The following MCC variants were observed in gnomAD, a reference collection of about 807,000 sequenced individuals.
The protein encoded by MCC is MCC regulator of Wnt signaling pathway.
A neutral mutation model predicts 116.2 loss-of-function variants in MCC; 90 were observed. That is an observed-to-expected ratio of 0.77 (90% CI 0.65 to 0.92). MCC has a LOEUF of 0.92. Ranked by LOEUF, MCC falls within the 40% of genes least tolerant of loss-of-function variation. The pLI is 0.00. For missense variants in MCC, 1,516 were observed against 1,312.2 expected (o/e 1.16, Z -2.40); for synonymous variants, 578 against 510.5 (o/e 1.13, Z -1.78).
intron 3 of MCC, chr5:113,294,386 G>A (rs148062030): frequency 3.5e-5 from 56 of 1,605,238 alleles, no homozygotes; most frequent in East Asian, 2.0e-4. Context: ...CGGAATTCAT[G>A]ATGCACTTTT....
At chr5:113,034,973 C>A (rs982863449) in intron 17 of MCC, among the ~76,000 whole-genome samples, 1 of 152,218 alleles carries the variant, frequency 6.6e-6, no homozygotes, top group Non-Finnish European at 1.5e-5. Flanking sequence ...TTTATCTTAT[C>A]CTTTTCTCTA....
chr5:113,271,506 A>G (rs1345828372), intron 3 of MCC, among the ~76,000 whole-genome samples: 1 of 152,256 alleles, frequency 6.6e-6, no homozygotes, highest in Non-Finnish European at 1.5e-5. Flanking sequence ...ACCTGATATC[A>G]AGATCTGAAA....
Position 113,434,710 on chromosome 5 carries a change from C to G in MCC, c.171-49498G>C, listed in dbSNP as rs371539722. Reference sequence around the variant, plus strand: ...AAGTCTGCGGGGGCCTTCTTGCGGTCGATGATCTTGATCGCCACATTGAAC... The same window carrying G: ...AAGTCTGCGGGGGCCTTCTTGCGGTGGATGATCTTGATCGCCACATTGAAC... On this transcript the variant is annotated intron_variant, in intron 1 of 18. Transcript: ENST00000408903. The surrounding 1 kb of genome is among the most constrained non-coding windows in gnomAD (Gnocchi z 4.2). 2.5e-6 allele frequency: 4 copies of G among 1,613,864 alleles called. No individual in the cohort carries two copies. Among genetic ancestry groups the G allele is most frequent in the African/African-American group, 1.3e-5 (1 of 74,884 alleles).
rs1750594122 is a variant in MCC, at chr5:113,026,989, C to CG, written c.*312dup. ...GTCTGGGATCCCACTGATGCACAGC[C>CG]GCCAGACCAGAAGAGGAGGGGGAGA... On this transcript the variant is annotated 3_prime_UTR_variant, in exon 19 of 19. Transcript: ENST00000408903. 3.2e-6 allele frequency: 1 copy of CG among 311,166 alleles called. No homozygotes were observed. Among genetic ancestry groups the CG allele is most frequent in the African/African-American group, 2.1e-5 (1 of 46,632 alleles). 19.3% of individuals were successfully genotyped at this position (311,166 alleles called of 1,614,324 possible).
At chr5:113,261,059 C>T (rs1036474136) in intron 3 of MCC, among the ~76,000 whole-genome samples, 4 of 152,070 alleles carry the variant, frequency 2.6e-5, no homozygotes, top group Non-Finnish European at 5.9e-5. Flanking sequence ...AGAAAGTTGT[C>T]GACTTACGAT....
chr5:113,216,281 C>CT (rs1250911259), intron 3 of MCC, among the ~76,000 whole-genome samples: 1 of 152,200 alleles, frequency 6.6e-6, no homozygotes, highest in African/African-American at 2.4e-5. Context: ...TCCTTCCTAC[C>CT]TTTGTGACTG....
intron 5 of MCC, among the ~76,000 whole-genome samples, chr5:113,140,517 T>C (rs554575282): frequency 6.6e-6 from 1 of 152,356 alleles, no homozygotes; most frequent in South Asian, 2.1e-4. Context: ...ATCTGATTTT[T>C]GGCTACATTA....
chr5:113,054,097 A>G, intron 14 of MCC, 138 bp from the exon 15 acceptor site: 1 of 631,240 alleles, frequency 1.6e-6, no homozygotes, highest in Non-Finnish European at 2.8e-6. Context: ...AGTTTTCTTC[A>G]CAGCATAGGA....
intron 5 of MCC, among the ~76,000 whole-genome samples, chr5:113,132,423 CATACATATATATATATAT>C (rs1561384977): frequency 4.6e-5 from 6 of 130,114 alleles, no homozygotes; most frequent in Non-Finnish European, 7.8e-5. Flanking sequence ...TATATACACA[CATACATATATATATATAT>C]ATACACACAC....
chr5:113,388,490 G>A (rs1769326481), intron 1 of MCC, among the ~76,000 whole-genome samples: 1 of 152,152 alleles, frequency 6.6e-6, no homozygotes, highest in Non-Finnish European at 1.5e-5. Flanking sequence ...CCTCATGAAT[G>A]GTTGAGCACC....
intron 3 of MCC, among the ~76,000 whole-genome samples, chr5:113,172,975 T>C (rs1180616816): frequency 1.3e-5 from 2 of 152,228 alleles, no homozygotes. Context: ...TGAATTTGTT[T>C]TTTAATTGCC....
chr5:113,042,989 T>C (rs1751823011), intron 17 of MCC, among the ~76,000 whole-genome samples: 1 of 152,040 alleles, frequency 6.6e-6, no homozygotes, highest in South Asian at 2.1e-4. Context: ...AAAGCAGTGA[T>C]GGAAAGAAGG....
Position 113,027,174 on chromosome 5 carries a change from TCCAAGTGC to T in MCC, c.*120_*127del. 4 of 937,042 alleles carry T rather than the reference TCCAAGTGC, an allele frequency of 4.3e-6. No individual in the cohort carries two copies. The highest frequency in any genetic ancestry group is 6.3e-6 in the Non-Finnish European group (4 of 633,620). The allele number at this position is 937,042 out of a possible 1,614,324, so 58.0% of individuals were successfully genotyped here. ...AGGGTTGAGTTGGGGCACTCCATTG[TCCAAGTGC>T]CGACCTACCTGCCAGCCTTCCCTTT... On this transcript the variant is annotated 3_prime_UTR_variant, in exon 19 of 19. Coordinates refer to ENST00000408903, the MANE Select transcript of MCC (RefSeq NM_001085377.2).
chr5:113,280,332 A>G (rs939066041), intron 3 of MCC, among the ~76,000 whole-genome samples: 2 of 152,106 alleles, frequency 1.3e-5, no homozygotes, highest in Non-Finnish European at 2.9e-5. Context: ...TAACTTTTCT[A>G]TCTATCTCCT....
intron 4 of MCC, among the ~76,000 whole-genome samples, chr5:113,147,695 G>C (rs1165768083): frequency 5.3e-5 from 8 of 152,178 alleles, no homozygotes. Flanking sequence ...TCGCTAAGGG[G>C]AAAGTGGACC....
At chr5:113,304,348 AAAAC>A (rs1412806457) in intron 3 of MCC, among the ~76,000 whole-genome samples, 1 of 152,208 alleles carries the variant, frequency 6.6e-6, no homozygotes, top group African/African-American at 2.4e-5. Flanking sequence ...ACATACAGAA[AAAAC>A]AAACAAAAAC....
At chr5:113,356,977 A>G (rs1768429997) in intron 2 of MCC, among the ~76,000 whole-genome samples, 1 of 152,216 alleles carries the variant, frequency 6.6e-6, no homozygotes, top group South Asian at 2.1e-4. Flanking sequence ...CTTTCAGCTT[A>G]ATTTCATAGA....
At chr5:113,057,551 G>A (rs1752916151) in intron 14 of MCC, among the ~76,000 whole-genome samples, 1 of 152,224 alleles carries the variant, frequency 6.6e-6, no homozygotes, top group South Asian at 2.1e-4. Context: ...AACACCACGG[G>A]CTATTCCACA....
At chr5:113,259,629 G>T (rs895689586) in intron 3 of MCC, among the ~76,000 whole-genome samples, 2 of 152,144 alleles carry the variant, frequency 1.3e-5, no homozygotes, top group Non-Finnish European at 2.9e-5. Context: ...GCAGCAGAGT[G>T]CGGCCAGGAG....
Sources: allele counts gnomAD v4.1 joint callset (sites outside exome capture counted in the v4.1 genomes callset), GRCh38; gene constraint gnomAD v4.1.1; non-coding constraint Gnocchi (gnomAD v3.1); transcripts MANE v1.5; gene names NCBI Gene and HGNC (gene_info 2026-07-23, HGNC 2026-07-21).